The following SPAG16 variants were observed in gnomAD, a reference collection of about 807,000 sequenced individuals.
SPAG16 encodes sperm-associated antigen 16 protein.
Under a neutral mutation model 80.4 loss-of-function variants are expected in SPAG16, and 86 were observed. The ratio of observed to expected loss-of-function variants is 1.07; its 90% CI spans 0.90 to 1.28. SPAG16 has a LOEUF of 1.28. Ranked by LOEUF, SPAG16 falls within the 50% of genes most tolerant of loss-of-function variation. The probability of loss-of-function intolerance (pLI) is 0.00; values close to 1 mark genes in which losing one functional copy is unlikely to be tolerated. For synonymous variants in SPAG16, 294 were observed against 265.9 expected (o/e 1.11, Z -1.03); for missense variants, 870 against 765.3 (o/e 1.14, Z -1.61).
At chr2:213,741,898 T>C (rs1408565973) in intron 10 of SPAG16, among the ~76,000 whole-genome samples, 1 of 152,144 alleles carries the variant, frequency 6.6e-6, no homozygotes, top group Non-Finnish European at 1.5e-5. Context: ...ATTTATAGAG[T>C]TACACTAGGT....
chr2:214,042,007 T>TATACAC (rs1371293247), intron 13 of SPAG16, among the ~76,000 whole-genome samples: 88 of 101,218 alleles, frequency 8.7e-4, no homozygotes, highest in South Asian at 6.5e-3. Flanking sequence ...TATATATATA[T>TATACAC]ACACACACAC....
intron 10 of SPAG16, among the ~76,000 whole-genome samples, chr2:213,652,165 T>C (rs1038827913): frequency 1.3e-5 from 2 of 152,224 alleles, no homozygotes; most frequent in African/African-American, 4.8e-5. Flanking sequence ...TTAACTGCTC[T>C]TTGCCTAGTT....
At chr2:213,904,404 C>A (rs2077348864) in intron 11 of SPAG16, among the ~76,000 whole-genome samples, 1 of 151,890 alleles carries the variant, frequency 6.6e-6, no homozygotes, top group South Asian at 2.1e-4. Context: ...AAGCGGAAAC[C>A]CATAATGAGA....
intron 10 of SPAG16, among the ~76,000 whole-genome samples, chr2:213,595,749 G>T (rs1377816811): frequency 6.6e-6 from 1 of 151,706 alleles, no homozygotes; most frequent in Non-Finnish European, 1.5e-5. Flanking sequence ...ACATTCTGAG[G>T]TTTTTTTTAC....
chr2:213,439,400 C>T (rs1017992853), intron 9 of SPAG16, among the ~76,000 whole-genome samples: 2 of 152,118 alleles, frequency 1.3e-5, no homozygotes, highest in Admixed American at 6.5e-5. Context: ...GTTGAGAATA[C>T]TCATGGTCAG....
chr2:213,902,885 G>A (rs1053343439), intron 11 of SPAG16, among the ~76,000 whole-genome samples: 3 of 152,156 alleles, frequency 2.0e-5, no homozygotes, highest in Non-Finnish European at 4.4e-5. Flanking sequence ...TGTTCCAAAT[G>A]GGAGAAATTC....
At chr2:214,353,818 C>T (rs1013729462) in intron 15 of SPAG16, among the ~76,000 whole-genome samples, 6 of 152,134 alleles carry the variant, frequency 3.9e-5, no homozygotes, top group Admixed American at 2.0e-4. Flanking sequence ...ATCAAAGCCA[C>T]TAATTTCCAA....
intron 10 of SPAG16, among the ~76,000 whole-genome samples, chr2:213,702,301 C>T (rs147577078): frequency 6.6e-6 from 1 of 152,236 alleles, no homozygotes; most frequent in Non-Finnish European, 1.5e-5. Flanking sequence ...CTGCCCGAGC[C>T]AGCTGCGGCA....
chr2:213,637,948 G>A (rs375700507), intron 10 of SPAG16, among the ~76,000 whole-genome samples: 2 of 152,152 alleles, frequency 1.3e-5, no homozygotes, highest in Admixed American at 6.5e-5. Context: ...TAGTAGAGAC[G>A]GGGTTTCACT....
chr2:213,857,046 A>G (rs886324076), intron 10 of SPAG16, among the ~76,000 whole-genome samples: 11 of 152,144 alleles, frequency 7.2e-5, no homozygotes, highest in African/African-American at 1.9e-4. Flanking sequence ...CCTGGCCAAC[A>G]TGGCGAAACC....
At chr2:214,311,537 G>A (rs1421610992) in intron 15 of SPAG16, 1 of 151,986 alleles carries the variant, frequency 6.6e-6, no homozygotes, top group Non-Finnish European at 1.5e-5. Context: ...CAGGTGAGAG[G>A]AGCAAGAGAT....
intron 15 of SPAG16, among the ~76,000 whole-genome samples, chr2:214,203,061 T>A (rs926219049): frequency 6.6e-6 from 1 of 152,172 alleles, no homozygotes; most frequent in African/African-American, 2.4e-5. Flanking sequence ...CCTAAATTAT[T>A]CTCTTTTATG....
At chr2:214,109,477 A>G (rs936138091) in intron 14 of SPAG16, among the ~76,000 whole-genome samples, 1 of 152,222 alleles carries the variant, frequency 6.6e-6, no homozygotes. Context: ...TTAGCTATAA[A>G]AGAAATCTGA....
At chr2:214,098,198 G>C (rs1229844245) in intron 13 of SPAG16, among the ~76,000 whole-genome samples, 1 of 151,980 alleles carries the variant, frequency 6.6e-6, no homozygotes, top group Non-Finnish European at 1.5e-5. Flanking sequence ...ATAAAATAAT[G>C]TCACAGTTTA....
intron 13 of SPAG16, among the ~76,000 whole-genome samples, chr2:214,106,424 A>G (rs1453049496): frequency 2.0e-5 from 3 of 152,190 alleles, no homozygotes; most frequent in Admixed American, 2.0e-4. Flanking sequence ...ATTCTGAGAG[A>G]GTATCAAAGT....
intron 13 of SPAG16, among the ~76,000 whole-genome samples, chr2:214,037,955 T>C (rs2048800020): frequency 6.6e-6 from 1 of 151,574 alleles, no homozygotes; most frequent in Non-Finnish European, 1.5e-5. Context: ...TTATTTTGCA[T>C]ATGTTTTGGA....
intron 13 of SPAG16, among the ~76,000 whole-genome samples, chr2:214,105,463 G>A (rs2053334183): frequency 6.6e-6 from 1 of 152,042 alleles, no homozygotes; most frequent in African/African-American, 2.4e-5. Flanking sequence ...TACATATCAG[G>A]CAACTGAAGC....
intron 7 of SPAG16, among the ~76,000 whole-genome samples, chr2:213,357,093 A>G (rs2065700692): frequency 6.6e-6 from 1 of 152,012 alleles, no homozygotes; most frequent in East Asian, 1.9e-4. Flanking sequence ...TTCCAATTTG[A>G]TTGCACTGTG....
intron 10 of SPAG16, among the ~76,000 whole-genome samples, chr2:213,833,539 A>ATTATATATATT (rs1259909122): frequency 1.3e-3 from 1 of 756 alleles, no homozygotes; most frequent in Non-Finnish European, 2.2e-3. Flanking sequence ...TATTATATAT[A>ATTATATATATT]ATATATATAA....
Sources: allele counts gnomAD v4.1 joint callset (sites outside exome capture counted in the v4.1 genomes callset), GRCh38; gene constraint gnomAD v4.1.1; transcripts MANE v1.5; gene names NCBI Gene and HGNC (gene_info 2026-07-23, HGNC 2026-07-21).